SLC25A13: variants seen among roughly 807,000 people sequenced by gnomAD.
The protein encoded by SLC25A13 is electrogenic aspartate/glutamate antiporter SLC25A13, mitochondrial.
Under a neutral mutation model 85.5 loss-of-function variants are expected in SLC25A13, and 70 were observed. The observed-to-expected ratio is 0.82, with a 90% CI of 0.68 to 1.00. The LOEUF is 1.00. SLC25A13 is among the 50% of genes least tolerant of loss of function. The pLI is 0.00. For missense variants in SLC25A13, 765 were observed against 819.8 expected (o/e 0.93, Z 0.82); for synonymous variants, 259 against 288.7 (o/e 0.90, Z 1.04).
chr7:96,151,958 A>G (rs937003604), intron 13 of SLC25A13, among the ~76,000 whole-genome samples: 3 of 152,278 alleles, frequency 2.0e-5, no homozygotes, highest in Middle Eastern at 3.4e-3. Flanking sequence ...AAAAATAAAT[A>G]AATAAATAAA....
intron 3 of SLC25A13, among the ~76,000 whole-genome samples, chr7:96,276,315 A>C (rs1798449209): frequency 6.6e-6 from 1 of 152,062 alleles, no homozygotes; most frequent in Admixed American, 6.6e-5. Context: ...CTTAAGGAAA[A>C]CCCATTTTTA....
chr7:96,153,906 C>T (rs73708486), intron 13 of SLC25A13, among the ~76,000 whole-genome samples: 3,273 of 151,988 alleles, frequency 0.022, 121 homozygotes, highest in African/African-American at 0.076. Context: ...TATATAGGAT[C>T]AAAATGAAGA....
rs556203416 is a variant in SLC25A13 at position 96,151,466 on chromosome 7, G to A, written c.1312-4770C>T. 3.0e-4 allele frequency among the ~76,000 whole-genome samples: 45 copies of A among 151,868 alleles called. 1 individual carries two copies. In the South Asian group the frequency reaches 6.5e-3, roughly 22 times the overall value. Reference sequence around the variant, plus strand: ...CACAAAATTAGCTGGGCATGGTGACGCACACCTGTAATCCCAGCTACTCAG... The same window carrying A: ...CACAAAATTAGCTGGGCATGGTGACACACACCTGTAATCCCAGCTACTCAG... On this transcript the variant is annotated intron_variant, in intron 13 of 17. Transcript: ENST00000265631.
intron 7 of SLC25A13, among the ~76,000 whole-genome samples, chr7:96,190,495 C>A (rs1489829770): frequency 6.6e-6 from 1 of 152,146 alleles, no homozygotes; most frequent in Non-Finnish European, 1.5e-5. Context: ...TCCTCATATA[C>A]ACCTGAAGGC....
At chr7:96,305,541 T>C (rs900532957) in intron 1 of SLC25A13, among the ~76,000 whole-genome samples, 1 of 152,308 alleles carries the variant, frequency 6.6e-6, no homozygotes, top group African/African-American at 2.4e-5. Flanking sequence ...ATTTGTTACA[T>C]ATTAGCAAGT....
At chr7:96,169,315 C>T (rs995005762) in intron 13 of SLC25A13, among the ~76,000 whole-genome samples, 2 of 151,928 alleles carry the variant, frequency 1.3e-5, no homozygotes, top group South Asian at 2.1e-4. Flanking sequence ...GAAATAGGTT[C>T]GGATAAAAAA....
intron 14 of SLC25A13, among the ~76,000 whole-genome samples, chr7:96,143,061 T>C (rs556006070): frequency 1.8e-4 from 27 of 152,374 alleles, no homozygotes; most frequent in African/African-American, 6.5e-4. Flanking sequence ...AATTTGTGAT[T>C]ATAGAATTTG....
In SLC25A13 at chr7:96,208,897, G is replaced by T; in HGVS notation, c.409C>A (p.His137Asn). ...TGTCTTTTTCTTTCTTTTCCAAAAT[G>T]TAGTTGCACAAATTCTGAATCCCAG... is the stretch of plus-strand genomic sequence containing the variant. ...FNWDSEFVQL[H>N]FGKERKRHLT... Residue 137 changes from histidine (H) to asparagine (N), a missense_variant, in exon 5 of 18, where the codon CAT becomes AAT. Physicochemically the swap from His to Asn is moderately conservative, Grantham distance 68. Transcript: ENST00000265631. 2 of 1,614,082 alleles carry T rather than the reference G, an allele frequency of 1.2e-6. No homozygotes were observed. Among genetic ancestry groups the T allele is most frequent in the Non-Finnish European group, 1.7e-6 (2 of 1,179,980 alleles).
intron 6 of SLC25A13, 145 bp downstream of exon 6, chr7:96,192,888 CTCTT>C: frequency 1.1e-6 from 1 of 875,812 alleles, no homozygotes; most frequent in South Asian, 1.6e-5. Context: ...CCAAAACACA[CTCTT>C]TGTTTGAGTT....
chr7:96,246,269 T>C (rs748288331), intron 3 of SLC25A13, among the ~76,000 whole-genome samples: 13 of 152,228 alleles, frequency 8.5e-5, no homozygotes, highest in African/African-American at 1.4e-4. Flanking sequence ...AATGTTCCCA[T>C]ACATACTTTT....
Position 96,285,767 on chromosome 7 carries a change from T to C in SLC25A13, c.70-8429A>G, listed in dbSNP as rs200143223. On this transcript the variant is annotated intron_variant, in intron 2 of 17. Coordinates refer to ENST00000265631, the MANE Select transcript of SLC25A13 (RefSeq NM_014251.3). ...AAGATGTGGTCATTGTTATACATCT[T>C]TTGCACCTCCCACTCACCACAGAGT... 1.1e-4 allele frequency among the ~76,000 whole-genome samples: 17 copies of C among 152,306 alleles called. No homozygotes were observed. In the East Asian group the frequency reaches 3.3e-3, roughly 29 times the overall value.
In SLC25A13 at chr7:96,312,642, C is replaced by T. The variant is rs924977511; in HGVS notation, c.15+9300G>A. Among the ~76,000 whole-genome samples, 5 of 152,038 alleles carry T rather than the reference C, an allele frequency of 3.3e-5. No homozygotes were observed. The East Asian group carries it at 7.7e-4, about 23-fold the overall frequency. On this transcript the variant is annotated intron_variant, in intron 1 of 17. Transcript: ENST00000265631. The stretch of plus-strand genomic sequence containing the variant: ...AGTGTAGGCACTGACAAACAGTCGT[C>T]GTCACTTATGCCCTTGAATGCACTT...
At chr7:96,222,084 A>G (rs1796152028) in intron 4 of SLC25A13, among the ~76,000 whole-genome samples, 1 of 152,216 alleles carries the variant, frequency 6.6e-6, no homozygotes, top group Non-Finnish European at 1.5e-5. Flanking sequence ...GACTTCTCAG[A>G]GCCTTAATAA....
At chr7:96,255,459 C>T (rs779486856) in intron 3 of SLC25A13, among the ~76,000 whole-genome samples, 6 of 152,144 alleles carry the variant, frequency 3.9e-5, no homozygotes, top group Admixed American at 1.3e-4. Flanking sequence ...GCCAATGTGG[C>T]GGGATCATTT....
intron 3 of SLC25A13, among the ~76,000 whole-genome samples, chr7:96,255,454 T>C (rs908805879): frequency 2.6e-5 from 4 of 152,198 alleles, no homozygotes; most frequent in Non-Finnish European, 5.9e-5. Context: ...GGGAGGCCAA[T>C]GTGGCGGGAT....
At position 96,290,881 on chromosome 7, in the gene SLC25A13, G is replaced by A. The variant is rs577769668; in HGVS notation, c.69+6017C>T. 5.9e-5 allele frequency among the ~76,000 whole-genome samples: 9 copies of A among 152,200 alleles called. No homozygotes were observed. The East Asian group carries it at 1.7e-3, about 29-fold the overall frequency. ...ATTAGACAGATCAACGAGACAGAAA[G>A]TTAACAAGGATATCCAGGAATTGAA... On this transcript the variant is annotated intron_variant, in intron 2 of 17. Coordinates refer to ENST00000265631, the MANE Select transcript of SLC25A13 (RefSeq NM_014251.3).
intron 9 of SLC25A13, among the ~76,000 whole-genome samples, chr7:96,187,398 A>G (rs1181871205): frequency 6.6e-6 from 1 of 152,256 alleles, no homozygotes; most frequent in Admixed American, 6.5e-5. Context: ...AGCTTTACAT[A>G]GAAATATGCC....
chr7:96,237,806 G>T (rs1186133706), intron 3 of SLC25A13, among the ~76,000 whole-genome samples: 1 of 152,088 alleles, frequency 6.6e-6, no homozygotes, highest in East Asian at 1.9e-4. Context: ...TTCCAACTTG[G>T]ATAACTGAGT....
intron 2 of SLC25A13, among the ~76,000 whole-genome samples, chr7:96,278,321 G>A (rs1798537574): frequency 6.6e-6 from 1 of 152,218 alleles, no homozygotes; most frequent in Non-Finnish European, 1.5e-5. Flanking sequence ...TAGCCATAGT[G>A]ATGGAGGGTG....
Sources: gnomAD v4.1 joint callset for allele counts (sites outside exome capture counted in the v4.1 genomes callset) on GRCh38, gnomAD v4.1.1 for gene constraint, MANE v1.5 for transcripts, NCBI Gene and HGNC (gene_info 2026-07-23, HGNC 2026-07-21) for gene names.